The following NEDD4L variants were observed in gnomAD, a reference collection of about 807,000 sequenced individuals.
NEDD4L encodes E3 ubiquitin-protein ligase NEDD4-like.
In NEDD4L, 54 loss-of-function variants were observed where a neutral mutation model predicts 148.9. That is an observed-to-expected ratio of 0.36 (90% CI 0.29 to 0.45). NEDD4L has a LOEUF of 0.45. NEDD4L is among the 20% of genes least tolerant of loss of function. NEDD4L has a pLI of 1.00. For synonymous variants in NEDD4L, 433 were observed against 440.7 expected (o/e 0.98, Z 0.22); for missense variants, 856 against 1,233.8 (o/e 0.69, Z 4.59).
chr18:58,313,539 C>G (rs535175373), intron 5 of NEDD4L, among the ~76,000 whole-genome samples: 47 of 152,344 alleles, frequency 3.1e-4, no homozygotes, highest in Non-Finnish European at 5.7e-4. Context: ...TACCGCCTTG[C>G]TTTCCTGCCA....
chr18:58,149,356 G>A (rs539349091), intron 1 of NEDD4L: 180 of 1,413,066 alleles, frequency 1.3e-4, no homozygotes, highest in Non-Finnish European at 1.5e-4. Flanking sequence ...AGGAACAACC[G>A]TGTAGACTGC....
intron 2 of NEDD4L, among the ~76,000 whole-genome samples, chr18:58,200,628 A>T (rs2041285410): frequency 6.6e-6 from 1 of 152,172 alleles, no homozygotes; most frequent in South Asian, 2.1e-4. Flanking sequence ...ACTACTGGAG[A>T]TTGTTGGCTT....
chr18:58,278,286 C>G (rs2148920657), intron 5 of NEDD4L, among the ~76,000 whole-genome samples: 1 of 152,298 alleles, frequency 6.6e-6, no homozygotes, highest in South Asian at 2.1e-4. Flanking sequence ...CCAGCGCTAT[C>G]TGAAGATCAG....
intron 1 of NEDD4L, among the ~76,000 whole-genome samples, chr18:58,047,906 T>C (rs1161900994): frequency 6.6e-6 from 1 of 152,248 alleles, no homozygotes; most frequent in Admixed American, 6.5e-5. Context: ...TAGAAAGGTA[T>C]CATTTATTGA....
chr18:58,175,557 T>C (rs1233666402), intron 2 of NEDD4L, among the ~76,000 whole-genome samples: 4 of 152,282 alleles, frequency 2.6e-5, no homozygotes, highest in African/African-American at 9.6e-5. Flanking sequence ...CAGCCTCCGC[T>C]GTCTAGGGCA....
At chr18:58,144,054 A>G (rs1021141028) in intron 1 of NEDD4L, among the ~76,000 whole-genome samples, 5 of 151,768 alleles carry the variant, frequency 3.3e-5, no homozygotes, top group African/African-American at 9.7e-5. Flanking sequence ...TTTGGCCAAG[A>G]CAGAAAACAT....
In NEDD4L at chr18:58,306,445, T is replaced by TA. The variant is rs2057072656; in HGVS notation, c.298-9536dup. On this transcript the variant is annotated intron_variant, in intron 5 of 30. Coordinates refer to ENST00000400345, the MANE Select transcript of NEDD4L (RefSeq NM_001144967.3). The stretch of plus-strand genomic sequence containing the variant: ...TTGGCAAGCATAATCCATGAGGGGA[T>TA]ATGGAGTTGGGGATGGCAGCATAGC... Among the ~76,000 whole-genome samples, 4 of 152,080 alleles carry TA rather than the reference T, an allele frequency of 2.6e-5. No individual in the cohort carries two copies. The South Asian group carries it at 8.3e-4, about 32-fold the overall frequency.
chr18:58,387,065 C>T (rs1286829374), intron 26 of NEDD4L, among the ~76,000 whole-genome samples: 1 of 152,134 alleles, frequency 6.6e-6, no homozygotes, highest in Non-Finnish European at 1.5e-5. Context: ...GTTTCTTCTC[C>T]CTGCCTCCAG....
intron 2 of NEDD4L, among the ~76,000 whole-genome samples, chr18:58,243,218 G>C (rs2148376047): frequency 6.6e-6 from 1 of 152,318 alleles, no homozygotes; most frequent in Non-Finnish European, 1.5e-5. Context: ...GAGCAACAGA[G>C]TTTATGGTAT....
chr18:58,375,496 C>G (rs1402259395), intron 24 of NEDD4L, among the ~76,000 whole-genome samples: 3 of 152,262 alleles, frequency 2.0e-5, no homozygotes, highest in South Asian at 2.1e-4. Flanking sequence ...AGACCTACCC[C>G]CCTCTGGCAT....
intron 1 of NEDD4L, among the ~76,000 whole-genome samples, chr18:58,147,706 G>A (rs1230805207): frequency 1.3e-5 from 2 of 152,086 alleles, no homozygotes; most frequent in Non-Finnish European, 2.9e-5. Context: ...GCCTCATATC[G>A]TATGTGTGTA....
intron 5 of NEDD4L, among the ~76,000 whole-genome samples, chr18:58,314,396 G>A (rs984551340): frequency 1.4e-5 from 2 of 145,404 alleles, no homozygotes; most frequent in East Asian, 2.0e-4. Context: ...CAGCCTGGGC[G>A]ACAGAGCAAG....
At chr18:58,060,602 A>C (rs1331151274) in intron 1 of NEDD4L, among the ~76,000 whole-genome samples, 1 of 152,176 alleles carries the variant, frequency 6.6e-6, no homozygotes, top group Non-Finnish European at 1.5e-5. Context: ...AGGTACAAAA[A>C]AAGGGAGGTG....
At chr18:58,122,239 C>T (rs2030066751) in intron 1 of NEDD4L, among the ~76,000 whole-genome samples, 1 of 152,228 alleles carries the variant, frequency 6.6e-6, no homozygotes, top group Admixed American at 6.5e-5. Flanking sequence ...GTGGCTCACG[C>T]CTGTAATCCC....
intron 1 of NEDD4L, among the ~76,000 whole-genome samples, chr18:58,093,898 C>T (rs2084221079): frequency 6.7e-6 from 1 of 150,340 alleles, no homozygotes; most frequent in African/African-American, 2.5e-5. Flanking sequence ...TTGCTGCATG[C>T]CCCACTGAAT....
rs148830162 is a variant in NEDD4L, at chr18:58,080,752, G to A, written c.48+36044G>A. On this transcript the variant is annotated intron_variant, in intron 1 of 30. Transcript: ENST00000400345. ...GCAAGCAAGAAAAAGACAAAAGAAAGCCATCATTTAGTAACTGGTGGAGTG... is the reference window on the plus strand; with the variant it reads ...GCAAGCAAGAAAAAGACAAAAGAAAACCATCATTTAGTAACTGGTGGAGTG... 2.0e-5 allele frequency among the ~76,000 whole-genome samples: 3 copies of A among 152,300 alleles called. No homozygotes were observed. The South Asian group carries it at 6.2e-4, about 32-fold the overall frequency.
intron 2 of NEDD4L, among the ~76,000 whole-genome samples, chr18:58,201,493 G>A (rs1383301123): frequency 3.3e-5 from 5 of 152,116 alleles, no homozygotes; most frequent in Admixed American, 2.6e-4. Context: ...GCTACTGAAG[G>A]CAGTTAAATA....
intron 1 of NEDD4L, among the ~76,000 whole-genome samples, chr18:58,152,610 T>C (rs2034920074): frequency 6.6e-6 from 1 of 152,256 alleles, no homozygotes; most frequent in Admixed American, 6.5e-5. Flanking sequence ...TTATTGTGCT[T>C]CAGAATCATC....
At chr18:58,209,000 A>C (rs926975049) in intron 2 of NEDD4L, among the ~76,000 whole-genome samples, 2 of 152,000 alleles carry the variant, frequency 1.3e-5, no homozygotes, top group Admixed American at 1.3e-4. Context: ...TCCAGTGGGA[A>C]TTTTTTTGTT....
Sources: gnomAD v4.1 joint callset for allele counts (sites outside exome capture counted in the v4.1 genomes callset) on GRCh38, gnomAD v4.1.1 for gene constraint, MANE v1.5 for transcripts, NCBI Gene and HGNC (gene_info 2026-07-23, HGNC 2026-07-21) for gene names.